The following NPHP4 variants were observed in gnomAD, a reference collection of about 807,000 sequenced individuals.
NPHP4 encodes the protein nephrocystin-4.
NPHP4 carries 151 observed loss-of-function variants against 155.8 expected under a neutral mutation model. The ratio of observed to expected loss-of-function variants is 0.97; its 90% CI spans 0.85 to 1.11. NPHP4 has a LOEUF of 1.11. Among genes scored for constraint, NPHP4 ranks in the 50% least tolerant of loss-of-function variants. NPHP4 has a pLI of 0.00. For synonymous variants in NPHP4, 845 were observed against 816.8 expected (o/e 1.03, Z -0.59); for missense variants, 1,956 against 1,925.7 (o/e 1.02, Z -0.29).
intron 3 of NPHP4, among the ~76,000 whole-genome samples, chr1:5,973,849 C>G (rs1421327044): frequency 6.6e-6 from 1 of 152,154 alleles, no homozygotes; most frequent in Non-Finnish European, 1.5e-5. Flanking sequence ...GACAGGCACA[C>G]AGGGCCCGAG....
intron 11 of NPHP4, among the ~76,000 whole-genome samples, chr1:5,922,790 G>A (rs1208222097): frequency 6.8e-6 from 1 of 147,546 alleles, no homozygotes; most frequent in East Asian, 2.0e-4. Context: ...AGCCGGGCAC[G>A]GTGGCACTGC....
chr1:5,957,544 C>T (rs1274534428), intron 6 of NPHP4, among the ~76,000 whole-genome samples: 2 of 151,978 alleles, frequency 1.3e-5, no homozygotes, highest in Non-Finnish European at 2.9e-5. Context: ...CAGCAGAATG[C>T]ACCTCAAAAA....
chr1:5,864,204 C>A (rs1640946236), intron 28 of NPHP4, 134 bp downstream of exon 28: 1 of 1,125,800 alleles, frequency 8.9e-7, no homozygotes. Flanking sequence ...CAGGAGCAAA[C>A]ACTCATGCAC....
chr1:5,868,005 C>T lies in NPHP4; in HGVS notation c.3316-109G>A, dbSNP rs1457103707. The T allele has an allele frequency of 3.4e-6, 4 of 1,188,928 alleles. No individual in the cohort carries two copies. In the African/African-American group the frequency reaches 6.0e-5, roughly 18 times the overall value. The allele number at this position is 1,188,928 out of a possible 1,614,324, so 73.6% of individuals were successfully genotyped here. Reference sequence around the variant, plus strand: ...TCCACTGTTGCCAAGACCCCCTCACCCTCCACTGCCATGAGCGGGGAAGGT... The same window carrying T: ...TCCACTGTTGCCAAGACCCCCTCACTCTCCACTGCCATGAGCGGGGAAGGT... On this transcript the variant is annotated intron_variant, in intron 23 of 29. Coordinates refer to ENST00000378156, the MANE Select transcript of NPHP4 (RefSeq NM_015102.5).
At position 5,905,680 on chromosome 1, in the gene NPHP4, G is replaced by T. The variant is rs183722664; in HGVS notation, c.1715C>A (p.Pro572Gln). 2 of 1,613,918 alleles carry T rather than the reference G, an allele frequency of 1.2e-6. No individual in the cohort carries two copies. The highest frequency in any genetic ancestry group is 3.3e-5 in the Admixed American group (2 of 60,020). The change falls in exon 14 of 30, where the codon CCG becomes CAG. Residue 572 changes from proline to glutamine, a missense_variant. By Grantham distance (76) the Pro-to-Gln change is moderately conservative (BLOSUM62 -1). Transcript: ENST00000378156. The surrounding 1 kb of genome is among the most constrained non-coding windows in gnomAD (Gnocchi z 4.0). Reference sequence around the variant, plus strand: ...AATAGGGGCATGCAAAGGCGTGAACGGCAGCTCCTGTAACTGTTCGGCAAT... The same window carrying T: ...AATAGGGGCATGCAAAGGCGTGAACTGCAGCTCCTGTAACTGTTCGGCAAT... Reference protein sequence around the residue: ...TSIAEQLQELPFTPLHAPIVV... With the variant: ...TSIAEQLQELQFTPLHAPIVV...
rs201979725 is a variant in NPHP4 at position 5,866,351 on chromosome 1, T to G, written c.3644+22A>C. 31 of 1,529,316 alleles carry G rather than the reference T, an allele frequency of 2.0e-5. 2 individuals carry two copies. In the African/African-American group the frequency reaches 3.8e-4, roughly 19 times the overall value. 94.7% of individuals were successfully genotyped at this position (1,529,316 alleles called of 1,614,324 possible). On this transcript the variant is annotated intron_variant, in intron 26 of 29. Coordinates refer to ENST00000378156, the MANE Select transcript of NPHP4 (RefSeq NM_015102.5). ...CCTCTCCTCCGCCACCGCCTCCAGG[T>G]CCCCAAAGCCTGTGCACTTACGAGT...
intron 9 of NPHP4, among the ~76,000 whole-genome samples, chr1:5,935,928 AG>A (rs1646515719): frequency 6.6e-6 from 1 of 152,210 alleles, no homozygotes; most frequent in South Asian, 2.1e-4. Flanking sequence ...TGTCACTATA[AG>A]GATTCAACAA....
intron 11 of NPHP4, among the ~76,000 whole-genome samples, chr1:5,927,306 G>A (rs1346931816): frequency 2.0e-5 from 3 of 152,208 alleles, no homozygotes; most frequent in Non-Finnish European, 4.4e-5. Flanking sequence ...CAGTGCAAAC[G>A]CAAGGTGGCG....
chr1:5,887,098 A>C, intron 18 of NPHP4, 188 bp downstream of exon 18: 2 of 594,504 alleles, frequency 3.4e-6, no homozygotes, highest in African/African-American at 1.9e-5. Context: ...TTCAGAATGC[A>C]AACAACTGGG....
intron 9 of NPHP4, among the ~76,000 whole-genome samples, 152 bp downstream of exon 9, chr1:5,946,952 T>C (rs374227787): frequency 1.8e-3 from 267 of 152,368 alleles, no homozygotes; most frequent in African/African-American, 6.1e-3. Context: ...TTCCTTACAA[T>C]CAGCTGATAA....
intron 17 of NPHP4, 65 bp from the exon 18 acceptor site, chr1:5,887,531 A>G: frequency 7.9e-6 from 12 of 1,525,274 alleles, no homozygotes; most frequent in Non-Finnish European, 9.9e-6. Context: ...CCAGCCCTGC[A>G]GGTGGAGGCT....
In NPHP4 at chr1:5,863,898, A is replaced by G. The variant is rs371232938; in HGVS notation, c.4132T>C (p.Ser1378Pro). 2 of 1,613,712 alleles carry G rather than the reference A, an allele frequency of 1.2e-6. No individual in the cohort carries two copies. The highest frequency in any genetic ancestry group is 1.7e-5 in the Admixed American group (1 of 60,008). The change falls in exon 29 of 30, where the codon TCC becomes CCC. Residue 1378 changes from serine (S) to proline (P), a missense_variant. Ser to Pro is a moderately conservative substitution (Grantham distance 74). Transcript: ENST00000378156. The part of the protein sequence containing the change: ...HPELLRFRED[S>P]FQVGGGETYT... ...GCACAGCCCCACCACACCTGGAAGG[A>G]GTCCTCTCTGAACCGCAGCAGCTCC...
chr1:5,974,935 CA>C (rs898367781), intron 3 of NPHP4, among the ~76,000 whole-genome samples: 1 of 152,186 alleles, frequency 6.6e-6, no homozygotes, highest in African/African-American at 2.4e-5. Flanking sequence ...CAGATCCCCC[CA>C]AACCAATGCT....
In NPHP4 at chr1:5,885,578, G is replaced by C. The variant is rs74052705; in HGVS notation, c.2485+1708C>G. On this transcript the variant is annotated intron_variant, in intron 18 of 29. Transcript: ENST00000378156. ...CCCATCATCAGAGTCCCAGGGCCCTGGGCCCAGCTGGCAGACACCCATGTC... is the reference window on the plus strand; with the variant it reads ...CCCATCATCAGAGTCCCAGGGCCCTCGGCCCAGCTGGCAGACACCCATGTC... Among the ~76,000 whole-genome samples, 663 of 152,372 alleles carry C rather than the reference G, an allele frequency of 4.4e-3. 4 individuals are homozygous for C. The highest frequency in any genetic ancestry group is 0.015 in the African/African-American group (633 of 41,578).
intron 6 of NPHP4, among the ~76,000 whole-genome samples, chr1:5,959,070 G>A (rs1443204089): frequency 2.0e-5 from 3 of 151,934 alleles, no homozygotes; most frequent in South Asian, 2.1e-4. Flanking sequence ...GTGTTGCTGA[G>A]ATACCTATCC....
intron 29 of NPHP4, 81 bp downstream of exon 29, chr1:5,863,809 C>T (rs866555216): frequency 4.1e-6 from 6 of 1,461,260 alleles, no homozygotes; most frequent in South Asian, 2.3e-5. Context: ...TTGAGGAACT[C>T]GCTCCTAAAT....
chr1:5,940,346 T>C (rs942474180), intron 9 of NPHP4, among the ~76,000 whole-genome samples: 3 of 152,172 alleles, frequency 2.0e-5, no homozygotes, highest in Non-Finnish European at 4.4e-5. Context: ...TGCTGGCACC[T>C]TGATCTTGGA....
At chr1:5,967,240 GA>G in intron 5 of NPHP4, 58 bp downstream of exon 5, 1 of 1,282,602 alleles carries the variant, frequency 7.8e-7, no homozygotes, top group Non-Finnish European at 1.1e-6. Flanking sequence ...TAAAGGTGGG[GA>G]ACACTCAGGG....
Position 5,862,984 on chromosome 1 carries a change from G to A in NPHP4, c.*281C>T. The A allele has an allele frequency of 2.1e-6, 1 of 473,280 alleles. No homozygotes were observed. The highest frequency in any genetic ancestry group is 3.8e-6 in the Non-Finnish European group (1 of 262,718). The allele number at this position is 473,280 out of a possible 1,614,324, so 29.3% of individuals were successfully genotyped here. A position where few individuals can be genotyped will look rare whatever the true frequency, so the allele number is the denominator to read the frequency against. ...CATTTTGAGCAACAGCGATAACGAG[G>A]GTCCCACATGCGTAGATGGCAGCAC... On this transcript the variant is annotated 3_prime_UTR_variant, in exon 30 of 30. Coordinates refer to ENST00000378156, the MANE Select transcript of NPHP4 (RefSeq NM_015102.5).
Sources: allele counts gnomAD v4.1 joint callset (sites outside exome capture counted in the v4.1 genomes callset), GRCh38; gene constraint gnomAD v4.1.1; non-coding constraint Gnocchi (gnomAD v3.1); transcripts MANE v1.5; gene names NCBI Gene and HGNC (gene_info 2026-07-23, HGNC 2026-07-21).